Variants in ANKRD55 observed in about 807,000 individuals in gnomAD.
The protein encoded by ANKRD55 is ankyrin repeat domain-containing protein 55.
A neutral mutation model predicts 60.6 loss-of-function variants in ANKRD55; 41 were observed. That is an observed-to-expected ratio of 0.68 (90% CI 0.53 to 0.88). The LOEUF is 0.88. ANKRD55 is among the 40% of genes least tolerant of loss of function. The probability of loss-of-function intolerance (pLI) is 0.00; values close to 1 mark genes in which losing one functional copy is unlikely to be tolerated. For synonymous variants in ANKRD55, 264 were observed against 290.3 expected (o/e 0.91, Z 0.92); for missense variants, 732 against 767.6 (o/e 0.95, Z 0.55).
At position 56,176,259 on chromosome 5, in the gene ANKRD55, C is replaced by T. The variant is rs757129746; in HGVS notation, c.205G>A (p.Val69Ile). 42 of 1,614,118 alleles carry T rather than the reference C, an allele frequency of 2.6e-5. No individual in the cohort carries two copies. The South Asian group carries it at 4.3e-4, about 16-fold the overall frequency. ...ACTGTGTCCGCTTGACGTCCAGAAA[C>T]CGCATGCATCAAGGGCGTGCATCCT... is the stretch of plus-strand genomic sequence containing the variant. ...SEGCTPLMHA[V>I]SGRQADTVKL... is the part of the protein sequence containing the mutation. Residue 69 changes from valine to isoleucine, a missense_variant, in exon 4 of 12, where the codon GTT becomes ATT. Val to Ile is a conservative substitution (Grantham distance 29, BLOSUM62 3). Transcript: ENST00000341048.
intron 8 of ANKRD55, among the ~76,000 whole-genome samples, chr5:56,124,185 A>G (rs1757164952): frequency 6.6e-6 from 1 of 152,198 alleles, no homozygotes; most frequent in South Asian, 2.1e-4. Context: ...CTGTGACCTC[A>G]TAGACTGATG....
chr5:56,168,376 T>A (rs1758532948), intron 5 of ANKRD55, among the ~76,000 whole-genome samples: 1 of 152,220 alleles, frequency 6.6e-6, no homozygotes, highest in Non-Finnish European at 1.5e-5. Flanking sequence ...TGCCGCTAAC[T>A]ACACTCCGCT....
At chr5:56,135,284 C>T (rs7714608) in intron 7 of ANKRD55, among the ~76,000 whole-genome samples, 14,096 of 66,246 alleles carry the variant, frequency 0.21, 2,206 homozygotes, top group African/African-American at 0.44. Context: ...CCCTCCCTGC[C>T]TGCCTGCTTG....
rs180817046 is a variant in ANKRD55, at chr5:56,126,746, A to C, written c.797+176T>G. On this transcript the variant is annotated intron_variant, in intron 8 of 11. Transcript: ENST00000341048. ...CAGTCGCAGTCTTCCTCTCCATAAC[A>C]ATAATTTTTTCTCCTCTCACTAAAA... Among the ~76,000 whole-genome samples the C allele has an allele frequency of 2.6e-4, 39 of 152,338 alleles. No individual in the cohort carries two copies. In the East Asian group the frequency reaches 7.3e-3, roughly 29 times the overall value.
intron 6 of ANKRD55, among the ~76,000 whole-genome samples, chr5:56,153,698 G>T (rs1489091336): frequency 1.3e-5 from 2 of 151,920 alleles, no homozygotes; most frequent in African/African-American, 4.8e-5. Context: ...TTAGCTGGGC[G>T]TGGTGGTGGG....
intron 6 of ANKRD55, among the ~76,000 whole-genome samples, chr5:56,151,484 C>A (rs1161426401): frequency 6.6e-6 from 1 of 152,074 alleles, no homozygotes; most frequent in African/African-American, 2.4e-5. Context: ...GAATTTAATT[C>A]TTTCTTTCTC....
chr5:56,155,272 G>T (rs756574566), intron 6 of ANKRD55, among the ~76,000 whole-genome samples: 1 of 151,450 alleles, frequency 6.6e-6, no homozygotes, highest in Non-Finnish European at 1.5e-5. Flanking sequence ...GGTTGGTTTT[G>T]TAGACAGAGA....
At chr5:56,101,389 G>T (rs1197416894) in intron 11 of ANKRD55, among the ~76,000 whole-genome samples, 1 of 147,374 alleles carries the variant, frequency 6.8e-6, no homozygotes, top group African/African-American at 2.4e-5. Flanking sequence ...AGGAGGATGT[G>T]GAGGGGCTGT....
At chr5:56,192,621 A>G in intron 2 of ANKRD55, 1 of 718,938 alleles carries the variant, frequency 1.4e-6, no homozygotes, top group Non-Finnish European at 2.3e-6. Context: ...TTATTTTCTC[A>G]GCTACTTAGT....
In ANKRD55 at chr5:56,157,517, T is replaced by C. The variant is rs191426176; in HGVS notation, c.483+2316A>G. ...TCCTGCTCCTCCCTGGGCAATGGAA[T>C]GTCTTGGTGTAAAACCCAGTTGTAT... On this transcript the variant is annotated intron_variant, in intron 6 of 11. Transcript: ENST00000341048. 3.5e-3 allele frequency among the ~76,000 whole-genome samples: 536 copies of C among 152,348 alleles called. 2 individuals are homozygous for C. Among genetic ancestry groups the C allele is most frequent in the African/African-American group, 0.013 (523 of 41,580 alleles).
chr5:56,191,511 G>A (rs1759092108), intron 2 of ANKRD55, among the ~76,000 whole-genome samples: 1 of 152,070 alleles, frequency 6.6e-6, no homozygotes, highest in Non-Finnish European at 1.5e-5. Context: ...ACAATTTTAT[G>A]GTTAAATTGC....
At chr5:56,144,358 A>C (rs1757846639) in intron 6 of ANKRD55, among the ~76,000 whole-genome samples, 1 of 152,184 alleles carries the variant, frequency 6.6e-6, no homozygotes, top group Non-Finnish European at 1.5e-5. Context: ...AGCCAACACC[A>C]AGCACAGAGG....
intron 7 of ANKRD55, among the ~76,000 whole-genome samples, chr5:56,142,221 G>A (rs1580976529): frequency 6.6e-6 from 1 of 152,188 alleles, no homozygotes; most frequent in Non-Finnish European, 1.5e-5. Context: ...CCAGCTACTC[G>A]GGAGGCTGAG....
At position 56,173,566 on chromosome 5, in the gene ANKRD55, CTCTCTCTCTCTCTCTCTA is replaced by C. The variant is rs1389254483; in HGVS notation, c.312+2568_312+2585del. Among the ~76,000 whole-genome samples, 1,030 of 113,896 alleles carry C rather than the reference CTCTCTCTCTCTCTCTCTA, an allele frequency of 9.0e-3. 8 individuals carry two copies. Among genetic ancestry groups the C allele is most frequent in the African/African-American group, 0.025 (628 of 25,294 alleles). The allele number at this position is 113,896 out of a possible 152,430, so 74.7% of individuals were successfully genotyped here. On this transcript the variant is annotated intron_variant, in intron 4 of 11. Coordinates refer to ENST00000341048, the MANE Select transcript of ANKRD55 (RefSeq NM_024669.3). ...CCTCTCTCTCTCTCTCTCTCTCTCT[CTCTCTCTCTCTCTCTCTA>C]TATATATATATATATATATATATCT...
intron 4 of ANKRD55, among the ~76,000 whole-genome samples, chr5:56,173,264 C>A (rs1758648562): frequency 6.6e-6 from 1 of 152,160 alleles, no homozygotes; most frequent in Non-Finnish European, 1.5e-5. Context: ...GTGGCACGAT[C>A]TCGGCTCACT....
chr5:56,127,176 A>G, intron 7 of ANKRD55, 70 bp from the exon 8 acceptor site: 1 of 1,352,010 alleles, frequency 7.4e-7, no homozygotes, highest in African/African-American at 1.5e-5. Flanking sequence ...GCATGTTAAG[A>G]TAAAAATACA....
At chr5:56,209,347 G>A (rs944117648) in intron 2 of ANKRD55, among the ~76,000 whole-genome samples, 5 of 152,048 alleles carry the variant, frequency 3.3e-5, no homozygotes, top group African/African-American at 1.2e-4. Context: ...CCCATGGACT[G>A]GACTCAGCAT....
At chr5:56,189,938 AAAGTGCAC>A (rs1759054402) in intron 2 of ANKRD55, among the ~76,000 whole-genome samples, 1 of 152,216 alleles carries the variant, frequency 6.6e-6, no homozygotes, top group Admixed American at 6.5e-5. Context: ...TATTTCCACC[AAAGTGCAC>A]AAGAGTTTCA....
intron 6 of ANKRD55, 101 bp from the exon 7 acceptor site, chr5:56,144,030 G>T: frequency 6.7e-7 from 1 of 1,481,910 alleles, no homozygotes; most frequent in Non-Finnish European, 9.2e-7. Flanking sequence ...ATCACCAGAT[G>T]CGTTGGTTGT....
Sources: allele counts gnomAD v4.1 joint callset (sites outside exome capture counted in the v4.1 genomes callset), GRCh38; gene constraint gnomAD v4.1.1; transcripts MANE v1.5; gene names NCBI Gene and HGNC (gene_info 2026-07-23, HGNC 2026-07-21).